Variants in PMM2 observed in about 807,000 individuals in gnomAD.
The protein encoded by PMM2 is mannose-6-phosphate isomerase.
A neutral mutation model predicts 33.2 loss-of-function variants in PMM2; 35 were observed. That is an observed-to-expected ratio of 1.06 (90% CI 0.81 to 1.40). The LOEUF (loss-of-function observed/expected upper bound fraction) is 1.40, where lower values mean the gene tolerates loss of function less well. Ranked by LOEUF, PMM2 falls within the 40% of genes most tolerant of loss-of-function variation. PMM2 has a pLI of 0.00. For synonymous variants in PMM2, 153 were observed against 114.7 expected, an observed-to-expected ratio of 1.33 and a Z score of -2.13; for missense variants, 386 against 306.0, an observed-to-expected ratio of 1.26 and a Z score of -1.95.
intron 7 of PMM2, among the ~76,000 whole-genome samples, chr16:8,818,510 G>A (rs1363528633): frequency 2.0e-5 from 3 of 152,162 alleles, no homozygotes; most frequent in Non-Finnish European, 2.9e-5. Flanking sequence ...AGAAAGCTGG[G>A]GTTTTTTCCT....
intron 7 of PMM2, among the ~76,000 whole-genome samples, chr16:8,815,727 A>T (rs2060704363): frequency 6.6e-6 from 1 of 152,112 alleles, no homozygotes; most frequent in African/African-American, 2.4e-5. Flanking sequence ...AAACTCCTAG[A>T]AAAAAAACAT....
intron 7 of PMM2, among the ~76,000 whole-genome samples, chr16:8,826,808 C>G (rs892940490): frequency 6.6e-6 from 1 of 151,734 alleles, no homozygotes. Flanking sequence ...TTTTTTTTCC[C>G]CATTTTACAA....
At position 8,842,891 on chromosome 16, in the gene PMM2, T is replaced by G. The variant is rs2060899146; in HGVS notation, c.640-4833T>G. ...TTTTAATGGGATGGTAATGGGCATG[T>G]GATCAGTTGTCAGGGAAGGAGTAGA... On this transcript the variant is annotated intron_variant, in intron 7 of 7. Coordinates refer to ENST00000268261, the MANE Select transcript of PMM2 (RefSeq NM_000303.3). Among the ~76,000 whole-genome samples, 4 of 152,114 alleles carry G rather than the reference T, an allele frequency of 2.6e-5. 1 individual carries two copies. In the South Asian group the frequency reaches 8.3e-4, roughly 32 times the overall value.
intron 7 of PMM2, among the ~76,000 whole-genome samples, chr16:8,828,637 C>T (rs2060792228): frequency 6.6e-6 from 1 of 152,036 alleles, no homozygotes; most frequent in African/African-American, 2.4e-5. Flanking sequence ...TTTTTCAGGA[C>T]GTAAAACAAG....
chr16:8,832,081 CCTTTCATTTCATTTGGGGTCCGCTTCACT>C, intron 7 of PMM2: 4 of 941,190 alleles, frequency 4.2e-6, no homozygotes, highest in Non-Finnish European at 5.1e-6. Context: ...AGCCAGCTTT[CCTTTCATTTCATTTGGGGTCCGCTTCACT>C]TGCTTTGCAG....
chr16:8,841,044 A>G (rs964618489), intron 7 of PMM2, among the ~76,000 whole-genome samples: 7 of 152,078 alleles, frequency 4.6e-5, no homozygotes, highest in African/African-American at 7.2e-5. Flanking sequence ...GCATCTCGAG[A>G]ACAGGCTCTA....
At chr16:8,842,027 G>A (rs1334702298) in intron 7 of PMM2, among the ~76,000 whole-genome samples, 2 of 150,768 alleles carry the variant, frequency 1.3e-5, no homozygotes, top group Non-Finnish European at 3.0e-5. Flanking sequence ...CAGACATGAG[G>A]GCTAGGCTAA....
chr16:8,844,431 C>T (rs138347325), intron 7 of PMM2, among the ~76,000 whole-genome samples: 1 of 152,156 alleles, frequency 6.6e-6, no homozygotes, highest in African/African-American at 2.4e-5. Flanking sequence ...GGGGTACTTG[C>T]CTCTCCCCCA....
intron 7 of PMM2, among the ~76,000 whole-genome samples, chr16:8,830,764 T>G (rs1251463115): frequency 6.6e-6 from 1 of 152,218 alleles, no homozygotes; most frequent in East Asian, 1.9e-4. Context: ...TGTAACTAAT[T>G]TGTTAGTCCT....
intron 4 of PMM2, among the ~76,000 whole-genome samples, chr16:8,807,321 A>G (rs1314548471): frequency 6.6e-6 from 1 of 151,976 alleles, no homozygotes; most frequent in African/African-American, 2.4e-5. Flanking sequence ...TTTATGTTTT[A>G]AACATCTGGA....
At chr16:8,827,400 AT>A (rs933308205) in intron 7 of PMM2, among the ~76,000 whole-genome samples, 4 of 146,634 alleles carry the variant, frequency 2.7e-5, no homozygotes, top group Admixed American at 6.8e-5. Flanking sequence ...TTTTATTTTT[AT>A]TTTTTTTTGA....
intron 7 of PMM2, among the ~76,000 whole-genome samples, chr16:8,837,614 C>T (rs924649329): frequency 4.6e-5 from 7 of 151,070 alleles, no homozygotes; most frequent in Admixed American, 2.6e-4. Flanking sequence ...GAGATTGGGG[C>T]GCAGAAATAA....
At chr16:8,845,036 C>T (rs868246269) in intron 7 of PMM2, among the ~76,000 whole-genome samples, 11 of 152,210 alleles carry the variant, frequency 7.2e-5, no homozygotes, top group African/African-American at 4.8e-5. Context: ...ATTTCATGCG[C>T]GTCCATGTGA....
At chr16:8,802,457 A>G in intron 2 of PMM2, 1 of 357,514 alleles carries the variant, frequency 2.8e-6, no homozygotes, top group South Asian at 2.1e-5. Flanking sequence ...ATTGTAAACT[A>G]TCCGATTATA....
chr16:8,845,141 G>A lies in PMM2; in HGVS notation c.640-2583G>A, dbSNP rs538113423. 5.3e-5 allele frequency among the ~76,000 whole-genome samples: 8 copies of A among 152,334 alleles called. No individual in the cohort carries two copies. The East Asian group carries it at 1.2e-3, about 22-fold the overall frequency. On this transcript the variant is annotated intron_variant, in intron 7 of 7. Coordinates refer to ENST00000268261, the MANE Select transcript of PMM2 (RefSeq NM_000303.3). ...TCCGAAAAGAGAGTCGGCAAAGGGT[G>A]GTGGATTATCATTAGTTCTTATGGG...
rs144359241 is a variant in PMM2 at position 8,847,742 on chromosome 16, A to G, written c.658A>G (p.Ile220Val). The G allele has an allele frequency of 6.2e-7, 1 of 1,613,682 alleles. No individual in the cohort carries two copies. The highest frequency in any genetic ancestry group is 8.5e-7 in the Non-Finnish European group (1 of 1,179,766). Residue 220 changes from isoleucine (I) to valine (V), a missense_variant, in exon 8 of 8, where the codon ATC becomes GTC. Physicochemically the swap from Ile to Val is conservative, Grantham distance 29. Coordinates refer to ENST00000268261, the MANE Select transcript of PMM2 (RefSeq NM_000303.3). ...KTMPGGNDHE[I>V]FTDPRTMGYS... is the part of the protein sequence containing the mutation. ...TTTCCAGGGTGGCAATGACCATGAG[A>G]TCTTCACAGACCCCAGAACCATGGG... is the stretch of plus-strand genomic sequence containing the variant.
intron 7 of PMM2, among the ~76,000 whole-genome samples, chr16:8,838,425 AAAAAT>A (rs1490318972): frequency 6.6e-6 from 1 of 152,030 alleles, no homozygotes; most frequent in Non-Finnish European, 1.5e-5. Flanking sequence ...TGTTAATAAG[AAAAAT>A]AAAATAGTGT....
At position 8,811,178 on chromosome 16, in the gene PMM2, A is replaced by T; in HGVS notation, c.447A>T (p.Lys149Asn). Residue 149 changes from lysine (K) to asparagine (N), a missense_variant and splice_region_variant, in exon 5 of 8, where the codon AAA (lysine) becomes AAT (asparagine). Coordinates refer to ENST00000268261, the MANE Select transcript of PMM2 (RefSeq NM_000303.3). The part of the protein sequence containing the change: ...EERIEFYELD[K>N]KENIRQKFVA... ...GCATTGAGTTCTACGAACTCGATAA[A>T]GTACGTCTTTCTGAAATATCTTTGG... The T allele has an allele frequency of 6.5e-7, 1 of 1,542,616 alleles. No homozygotes were observed. The highest frequency in any genetic ancestry group is 1.9e-5 in the Admixed American group (1 of 53,460).
At chr16:8,815,189 T>G (rs1178830250) in intron 7 of PMM2, among the ~76,000 whole-genome samples, 7 of 152,024 alleles carry the variant, frequency 4.6e-5, no homozygotes, top group African/African-American at 1.7e-4. Context: ...GAATAATGTT[T>G]CATGGTATGA....
Sources: allele counts gnomAD v4.1 joint callset (sites outside exome capture counted in the v4.1 genomes callset), GRCh38; gene constraint gnomAD v4.1.1; transcripts MANE v1.5; gene names NCBI Gene and HGNC (gene_info 2026-07-23, HGNC 2026-07-21).